CPEB2: variants seen among roughly 807,000 people sequenced by gnomAD.
The protein encoded by CPEB2 is cytoplasmic polyadenylation element-binding protein 2.
A neutral mutation model predicts 93.6 loss-of-function variants in CPEB2; 56 were observed. That is an observed-to-expected ratio of 0.60 (90% CI 0.48 to 0.75). The LOEUF is 0.75. Among genes scored for constraint, CPEB2 ranks in the 30% least tolerant of loss-of-function variants. CPEB2 has a pLI of 0.00. For synonymous variants in CPEB2, 764 were observed against 586.3 expected (o/e 1.30, Z -4.38); for missense variants, 1,579 against 1,395.1 (o/e 1.13, Z -2.10).
chr4:15,005,829 C>T (rs1337972283), intron 1 of CPEB2, among the ~76,000 whole-genome samples: 1 of 152,138 alleles, frequency 6.6e-6, no homozygotes, highest in African/African-American at 2.4e-5. Context: ...TAATGTTCCA[C>T]TTTTTCATGA....
rs550414108 is a variant in CPEB2, at chr4:15,055,427, A to G, written c.2461+1210A>G. On this transcript the variant is annotated intron_variant, in intron 8 of 11. Transcript: ENST00000538197. Reference sequence around the variant, plus strand: ...TATTAGCTTAGTTTTAGTGTTGTCCATAGTTTTACTCTCTTGCCATTTCAT... The same window carrying G: ...TATTAGCTTAGTTTTAGTGTTGTCCGTAGTTTTACTCTCTTGCCATTTCAT... 3.3e-5 allele frequency among the ~76,000 whole-genome samples: 5 copies of G among 152,280 alleles called. No individual in the cohort carries two copies. In the East Asian group the frequency reaches 5.8e-4, roughly 18 times the overall value.
intron 5 of CPEB2, among the ~76,000 whole-genome samples, chr4:15,035,941 AC>A (rs1726560497): frequency 1.3e-5 from 2 of 152,214 alleles, no homozygotes; most frequent in African/African-American, 4.8e-5. Flanking sequence ...ACATACTGTT[AC>A]AATTGTTGGG....
At chr4:15,037,267 C>T (rs929131779) in intron 5 of CPEB2, among the ~76,000 whole-genome samples, 4 of 151,268 alleles carry the variant, frequency 2.6e-5, no homozygotes, top group African/African-American at 7.3e-5. Context: ...GCTGAGACTG[C>T]GCCACTGCAC....
chr4:15,056,038 T>G (rs552494574), intron 8 of CPEB2, among the ~76,000 whole-genome samples: 2 of 152,348 alleles, frequency 1.3e-5, no homozygotes, highest in East Asian at 3.9e-4. Flanking sequence ...TTTTACAACT[T>G]TAAACATTTG....
intron 4 of CPEB2, among the ~76,000 whole-genome samples, chr4:15,027,483 G>A (rs1442184857): frequency 6.6e-6 from 1 of 152,192 alleles, no homozygotes. Flanking sequence ...GTGTGGTCAG[G>A]AATGACTGTC....
chr4:15,004,265 A>C lies in CPEB2; in HGVS notation c.1592A>C (p.Gln531Pro). Reference sequence around the variant, plus strand: ...AGCCGGAGGTCGCCCGTCAGCCCGCAGCTCCAGCAGCAGCACCAGGCGGCG... The same window carrying C: ...AGCCGGAGGTCGCCCGTCAGCCCGCCGCTCCAGCAGCAGCACCAGGCGGCG... Reference protein sequence around the residue: ...PQSRRSPVSPQLQQQHQAAAA... With the variant: ...PQSRRSPVSPPLQQQHQAAAA... Residue 531 changes from glutamine (Q) to proline (P), a missense_variant, in exon 1 of 12, where the codon CAG becomes CCG. Transcript: ENST00000538197. 6.7e-7 allele frequency: 1 copy of C among 1,488,076 alleles called. No individual in the cohort carries two copies. The highest frequency in any genetic ancestry group is 8.9e-7 in the Non-Finnish European group (1 of 1,125,940). The allele number at this position is 1,488,076 out of a possible 1,614,324, so 92.2% of individuals were successfully genotyped here.
intron 4 of CPEB2, among the ~76,000 whole-genome samples, chr4:15,022,989 ATTTC>A (rs963534568): frequency 1.3e-5 from 2 of 151,970 alleles, no homozygotes; most frequent in African/African-American, 4.8e-5. Context: ...CTTGAGTTTT[ATTTC>A]TTCCAAGCAT....
rs779808244 is a variant in CPEB2 at position 15,003,134 on chromosome 4, C to CCTG, written c.472_474dup (p.Cys158dup). ...CACCCCTCCTCCTCCTCCGCCTCCTCCTGCTGCTGCTGCCGCACCTCCTCC... is the reference window on the plus strand; with the variant it reads ...CACCCCTCCTCCTCCTCCGCCTCCTCCTGCTGCTGCTGCTGCCGCACCTCCTCC... On this transcript the variant is annotated inframe_insertion, in exon 1 of 12. Coordinates refer to ENST00000538197, the MANE Select transcript of CPEB2 (RefSeq NM_001177382.2). 461 of 1,532,886 alleles carry CCTG rather than the reference C, an allele frequency of 3.0e-4. No individual in the cohort carries two copies. The highest frequency in any genetic ancestry group is 2.8e-4 in the Non-Finnish European group (317 of 1,145,740). The allele number at this position is 1,532,886 out of a possible 1,614,324, so 95.0% of individuals were successfully genotyped here.
chr4:15,050,860 C>T (rs975819575), intron 6 of CPEB2, among the ~76,000 whole-genome samples: 3 of 152,196 alleles, frequency 2.0e-5, no homozygotes, highest in Admixed American at 2.0e-4. Flanking sequence ...GGACCTTAAA[C>T]TATAACCCAT....
Position 15,004,344 on chromosome 4 carries a change from G to A in CPEB2, c.1662+9G>A. 7.0e-7 allele frequency: 1 copy of A among 1,438,220 alleles called. No individual in the cohort carries two copies. Among genetic ancestry groups the A allele is most frequent in the South Asian group, 1.4e-5 (1 of 71,984 alleles). The allele number at this position is 1,438,220 out of a possible 1,614,324, so 89.1% of individuals were successfully genotyped here. A position where few individuals can be genotyped will look rare whatever the true frequency, so the allele number is the denominator to read the frequency against. On this transcript the variant is annotated intron_variant, in intron 1 of 11. Transcript: ENST00000538197. ...CCTATAACCACCACCAGGTACGGCG[G>A]GCGGCGGCCTGGCCGCGCCGCGGGA...
chr4:15,054,155 T>G lies in CPEB2; in HGVS notation c.2399T>G (p.Phe800Cys), dbSNP rs1261133825. Residue 800 changes from phenylalanine to cysteine, a missense_variant, in exon 8 of 12, where the codon TTT becomes TGT. This residue lies in a region of CPEB2 where 168 missense variants were observed against 339.1 expected (regional missense o/e 0.50). Coordinates refer to ENST00000538197, the MANE Select transcript of CPEB2 (RefSeq NM_001177382.2). ...GAAATAACTGCTAGCTTCAGAAGAT[T>G]TGGGCCTTTGGTAGTAGATTGGCCT... ...EDEITASFRR[F>C]GPLVVDWPHK... The G allele has an allele frequency of 6.2e-7, 1 of 1,611,008 alleles. No individual in the cohort carries two copies. The highest frequency in any genetic ancestry group is 1.7e-5 in the Admixed American group (1 of 59,420).
rs571441851 is a variant in CPEB2 at position 15,066,232 on chromosome 4, C to A, written c.2957C>A (p.Pro986His). ...GCACGCTGTGGTGGAAAATTTGCTC[C>A]CTTTTTTTGTGCCAATGTCACTTGC... ...QGARCGGKFAPFFCANVTCLQ... is the reference protein window; with the variant it reads ...QGARCGGKFAHFFCANVTCLQ... Residue 986 changes from proline to histidine, a missense_variant, in exon 12 of 12, where the codon CCC becomes CAC. Physicochemically the swap from Pro to His is moderately conservative, Grantham distance 77. This residue lies in a region of CPEB2 where 168 missense variants were observed against 339.1 expected (regional missense o/e 0.50). Coordinates refer to ENST00000538197, the MANE Select transcript of CPEB2 (RefSeq NM_001177382.2). 5.6e-6 allele frequency: 9 copies of A among 1,613,388 alleles called. No homozygotes were observed. The Admixed American group carries it at 1.3e-4, about 24-fold the overall frequency.
chr4:15,019,460 G>C (rs535384476), intron 4 of CPEB2, among the ~76,000 whole-genome samples: 3 of 151,870 alleles, frequency 2.0e-5, no homozygotes, highest in South Asian at 4.1e-4. Context: ...CAAGGTGGTA[G>C]CAAATGGAAT....
At chr4:15,060,916 T>A (rs1729137050) in intron 10 of CPEB2, among the ~76,000 whole-genome samples, 1 of 152,098 alleles carries the variant, frequency 6.6e-6, no homozygotes, top group Non-Finnish European at 1.5e-5. Flanking sequence ...CTAGATATGT[T>A]TTAAAATCAA....
rs1048921355 is a variant in CPEB2 at position 15,003,407 on chromosome 4, C to G, written c.734C>G (p.Ser245Trp). 2 of 1,360,134 alleles carry G rather than the reference C, an allele frequency of 1.5e-6. No individual in the cohort carries two copies. The highest frequency in any genetic ancestry group is 1.5e-5 in the African/African-American group (1 of 65,112). The allele number at this position is 1,360,134 out of a possible 1,614,324, so 84.3% of individuals were successfully genotyped here. The change falls in exon 1 of 12, where the codon TCG becomes TGG. Residue 245 changes from serine (S) to tryptophan (W), a missense_variant. Coordinates refer to ENST00000538197, the MANE Select transcript of CPEB2 (RefSeq NM_001177382.2). ...AGCCTCCTGCATCAGCAGCACCTCT[C>G]GCCGCAGGACTTCGCCCCGCGGCAG... The part of the protein sequence containing the change: ...QFSLLHQQHL[S>W]PQDFAPRQRP...
chr4:15,004,372 G>C (rs1226598433), intron 1 of CPEB2, 37 bp downstream of exon 1: 17 of 1,371,702 alleles, frequency 1.2e-5, no homozygotes, highest in Non-Finnish European at 1.5e-5. Flanking sequence ...CCGCGGGACC[G>C]GGAGACCATG....
At chr4:15,026,113 C>G (rs1477205838) in intron 4 of CPEB2, among the ~76,000 whole-genome samples, 1 of 152,124 alleles carries the variant, frequency 6.6e-6, no homozygotes, top group Non-Finnish European at 1.5e-5. Context: ...ATCATAAAGA[C>G]TCTTTGGCAC....
At chr4:15,055,617 C>T (rs1179953827) in intron 8 of CPEB2, among the ~76,000 whole-genome samples, 1 of 152,178 alleles carries the variant, frequency 6.6e-6, no homozygotes, top group Non-Finnish European at 1.5e-5. Context: ...ATCGTCCAGT[C>T]ACAGCAGTCT....
At chr4:15,021,197 C>T (rs2109000128) in intron 4 of CPEB2, among the ~76,000 whole-genome samples, 1 of 152,214 alleles carries the variant, frequency 6.6e-6, no homozygotes, top group Non-Finnish European at 1.5e-5. Context: ...GTATGAATGG[C>T]ACTGACCCGT....
Sources: allele counts gnomAD v4.1 joint callset (sites outside exome capture counted in the v4.1 genomes callset), GRCh38; gene constraint gnomAD v4.1.1; regional missense constraint gnomAD v4.1.1; transcripts MANE v1.5; gene names NCBI Gene and HGNC (gene_info 2026-07-23, HGNC 2026-07-21).